Variants in PIK3C2G observed in about 807,000 individuals in gnomAD.
The protein encoded by PIK3C2G is phosphatidylinositol 3-kinase C2 domain-containing subunit gamma.
PIK3C2G carries 168 observed loss-of-function variants against 181.1 expected under a neutral mutation model. The observed-to-expected ratio is 0.93, with a 90% confidence interval of 0.82 to 1.05. The LOEUF (loss-of-function observed/expected upper bound fraction) is 1.05. Ranked by LOEUF, PIK3C2G falls within the 50% of genes least tolerant of loss-of-function variation. The probability of loss-of-function intolerance (pLI) is 0.00; values close to 1 mark genes in which losing one functional copy is unlikely to be tolerated. For missense variants in PIK3C2G, 1,869 were observed against 1,732.8 expected (o/e 1.08, Z -1.40); for synonymous variants, 573 against 592.2 (o/e 0.97, Z 0.47).
chr12:18,508,613 A>G (rs1428722711), intron 24 of PIK3C2G, among the ~76,000 whole-genome samples: 1 of 152,138 alleles, frequency 6.6e-6, no homozygotes, highest in Non-Finnish European at 1.5e-5. Context: ...GTTTCTGTAC[A>G]CATACTCAGA....
intron 18 of PIK3C2G, among the ~76,000 whole-genome samples, chr12:18,463,580 T>C (rs1948036014): frequency 6.6e-6 from 1 of 152,196 alleles, no homozygotes. Flanking sequence ...GTCGTGTTTC[T>C]AATGCAGGTG....
chr12:18,363,227 A>G (rs1941393350), intron 12 of PIK3C2G: 1 of 159,656 alleles, frequency 6.3e-6, no homozygotes, highest in Non-Finnish European at 1.4e-5. Flanking sequence ...GTAACAAAGA[A>G]AAGACAACCC....
intron 18 of PIK3C2G, among the ~76,000 whole-genome samples, chr12:18,454,782 CTCT>C (rs1426013463): frequency 6.6e-6 from 1 of 152,064 alleles, no homozygotes; most frequent in Non-Finnish European, 1.5e-5. Context: ...TTAGAAATTT[CTCT>C]TCTTAATTTG....
the PIK3C2G span, among the ~76,000 whole-genome samples, chr12:18,664,100 A>G: frequency 6.6e-6 from 1 of 152,178 alleles, no homozygotes; most frequent in African/African-American, 2.4e-5. Flanking sequence ...CAGACAAACA[A>G]ACAAAGACAC....
chr12:18,304,004 A>T (rs909098885), intron 5 of PIK3C2G, among the ~76,000 whole-genome samples: 2 of 152,028 alleles, frequency 1.3e-5, no homozygotes, highest in African/African-American at 4.8e-5. Flanking sequence ...TATATATTTT[A>T]AAATCAAATT....
intron 18 of PIK3C2G, among the ~76,000 whole-genome samples, chr12:18,434,798 T>A (rs959879727): frequency 2.0e-5 from 3 of 152,184 alleles, no homozygotes; most frequent in African/African-American, 7.2e-5. Context: ...AATATCCACC[T>A]TTCCACATAT....
chr12:18,669,552 A>T, the PIK3C2G span, among the ~76,000 whole-genome samples: 1 of 152,212 alleles, frequency 6.6e-6, no homozygotes, highest in Non-Finnish European at 1.5e-5. Flanking sequence ...TGGAAAGTCC[A>T]ATCCAGCAGA....
chr12:18,649,707 T>G (rs116996180), downstream of PIK3C2G, among the ~76,000 whole-genome samples: 16 of 152,304 alleles, frequency 1.1e-4, no homozygotes, highest in Non-Finnish European at 2.2e-4. Flanking sequence ...TGACCTCCAA[T>G]TAGCTAAATC....
chr12:18,650,345 A>G (rs1272118712), downstream of PIK3C2G, among the ~76,000 whole-genome samples: 3 of 127,704 alleles, frequency 2.3e-5, no homozygotes, highest in Admixed American at 7.5e-5. Flanking sequence ...ATATATATAT[A>G]TATGTGTGTG....
chr12:18,644,166 A>G (rs941163954), intron 32 of PIK3C2G, among the ~76,000 whole-genome samples: 10 of 152,000 alleles, frequency 6.6e-5, no homozygotes, highest in African/African-American at 1.4e-4. Flanking sequence ...GTGAGCCCCA[A>G]TAGGCTTCAT....
At chr12:18,255,240 TAAATAAATAAATAAAC>T (rs1216651901) in intron 1 of PIK3C2G, among the ~76,000 whole-genome samples, 3 of 148,136 alleles carry the variant, frequency 2.0e-5, no homozygotes, top group African/African-American at 7.4e-5. Context: ...AATAAATAAA[TAAATAAATAAATAAAC>T]AAACAAACAA....
intron 18 of PIK3C2G, among the ~76,000 whole-genome samples, chr12:18,474,334 T>C (rs936733875): frequency 2.0e-5 from 3 of 152,066 alleles, no homozygotes; most frequent in Admixed American, 2.0e-4. Flanking sequence ...TTAAAACTGA[T>C]ACTAGAATTT....
At chr12:18,309,922 T>C (rs1950570735) in intron 5 of PIK3C2G, among the ~76,000 whole-genome samples, 1 of 151,880 alleles carries the variant, frequency 6.6e-6, no homozygotes, top group Admixed American at 6.6e-5. Flanking sequence ...TAGAGTCAGT[T>C]GTGTTTATTC....
chr12:18,590,357 T>A (rs1947013651), intron 29 of PIK3C2G, among the ~76,000 whole-genome samples: 1 of 151,956 alleles, frequency 6.6e-6, no homozygotes, highest in African/African-American at 2.4e-5. Flanking sequence ...CAGGTAAATT[T>A]GAATTTTCCA....
the PIK3C2G span, among the ~76,000 whole-genome samples, chr12:18,664,054 C>T: frequency 1.3e-5 from 2 of 152,112 alleles, no homozygotes; most frequent in Admixed American, 1.3e-4. Context: ...ATATAACACT[C>T]ACACTCATTA....
chr12:18,321,256 A>T (rs1182192988), intron 7 of PIK3C2G, among the ~76,000 whole-genome samples: 2 of 152,214 alleles, frequency 1.3e-5, no homozygotes, highest in Admixed American at 6.5e-5. Context: ...ACATTCATTT[A>T]AAAAAATCTC....
chr12:18,460,953 G>A (rs1486626211), intron 18 of PIK3C2G, among the ~76,000 whole-genome samples: 2 of 151,988 alleles, frequency 1.3e-5, no homozygotes, highest in African/African-American at 4.8e-5. Context: ...TTTACTGTAA[G>A]GATCAAATGA....
chr12:18,520,166 A>G (rs1193991377), intron 24 of PIK3C2G, among the ~76,000 whole-genome samples: 1 of 151,978 alleles, frequency 6.6e-6, no homozygotes, highest in African/African-American at 2.4e-5. Flanking sequence ...CCTTCATTTC[A>G]ACCGTGGAGA....
chr12:18,589,697 A>T (rs1017584452), intron 29 of PIK3C2G, among the ~76,000 whole-genome samples: 5 of 152,072 alleles, frequency 3.3e-5, no homozygotes, highest in African/African-American at 1.2e-4. Context: ...AGAGACTTAA[A>T]GGGGAAGAAG....
Sources: gnomAD v4.1 joint callset for allele counts (sites outside exome capture counted in the v4.1 genomes callset) on GRCh38, gnomAD v4.1.1 for gene constraint, MANE v1.5 for transcripts, NCBI Gene and HGNC (gene_info 2026-07-23, HGNC 2026-07-21) for gene names.